ACBD6: variants seen among roughly 807,000 people sequenced by gnomAD.
The protein encoded by ACBD6 is acyl-CoA binding domain containing 6, also known as acyl-CoA-binding domain-containing protein 6.
ACBD6 carries 28 observed loss-of-function variants against 37.2 expected under a neutral mutation model. That is an observed-to-expected ratio of 0.75 (90% CI 0.56 to 1.03). The LOEUF (loss-of-function observed/expected upper bound fraction) is 1.03, where lower values mean the gene tolerates loss of function less well. ACBD6 is among the 50% of genes least tolerant of loss of function. ACBD6 has a pLI of 0.00. For synonymous variants in ACBD6, 113 were observed against 126.8 expected (o/e 0.89, Z 0.73); for missense variants, 340 against 337.4 (o/e 1.01, Z -0.06).
chr1:180,437,172 T>G lies in ACBD6; in HGVS notation c.385-6910A>C, dbSNP rs143147396. ...TCATCTGTATCCTTTGTAACATCCTTTATAATAAACTGGCAAATGTGTTTC... is the reference window on the plus strand; with the variant it reads ...TCATCTGTATCCTTTGTAACATCCTGTATAATAAACTGGCAAATGTGTTTC... On this transcript the variant is annotated intron_variant, in intron 3 of 7. Transcript: ENST00000367595. Among the ~76,000 whole-genome samples the G allele has an allele frequency of 5.7e-3, 869 of 152,288 alleles. 6 individuals carry two copies. The highest frequency in any genetic ancestry group is 0.019 in the African/African-American group (807 of 41,560).
At chr1:180,283,426 A>T (rs1649375945), downstream of ACBD6, among the ~76,000 whole-genome samples, 1 of 152,084 alleles carries the variant, frequency 6.6e-6, no homozygotes, top group African/African-American at 2.4e-5. Context: ...CCACCATGAG[A>T]CAAGTGCATG....
At chr1:180,446,318 T>C (rs1258150897) in intron 3 of ACBD6, among the ~76,000 whole-genome samples, 1 of 152,076 alleles carries the variant, frequency 6.6e-6, no homozygotes, top group Non-Finnish European at 1.5e-5. Context: ...CAGCCTTAAG[T>C]GTACTTTTAA....
chr1:180,359,805 A>G (rs1289520447), intron 6 of ACBD6, among the ~76,000 whole-genome samples: 1 of 151,914 alleles, frequency 6.6e-6, no homozygotes, highest in South Asian at 2.1e-4. Flanking sequence ...TTTGTCTCCT[A>G]TTTATTTCCA....
At chr1:180,435,773 G>A in intron 3 of ACBD6, 1 of 868,176 alleles carries the variant, frequency 1.2e-6, no homozygotes, top group Non-Finnish European at 2.0e-6. Context: ...GTATCAGATT[G>A]ACTCTGACAG....
chr1:180,444,099 A>G (rs180973608), intron 3 of ACBD6, among the ~76,000 whole-genome samples: 54 of 152,152 alleles, frequency 3.5e-4, no homozygotes, highest in African/African-American at 1.3e-3. Context: ...TTAATTTTAA[A>G]CCCAGCATAA....
chr1:180,315,500 G>A lies in ACBD6; in HGVS notation c.664-778C>T, dbSNP rs190984128. ...TAAGCACTTTGTAATATGCATGGCC[G>A]TCATGCCCCTGGTAATTGAGAATAA... On this transcript the variant is annotated intron_variant, in intron 6 of 7. Transcript: ENST00000367595. Among the ~76,000 whole-genome samples, 704 of 152,280 alleles carry A rather than the reference G, an allele frequency of 4.6e-3. 1 individual carries two copies. Among genetic ancestry groups the A allele is most frequent in the African/African-American group, 1.0e-2 (415 of 41,558 alleles).
At chr1:180,454,296 T>C (rs539392908) in intron 3 of ACBD6, among the ~76,000 whole-genome samples, 2 of 152,268 alleles carry the variant, frequency 1.3e-5, no homozygotes, top group South Asian at 2.1e-4. Context: ...ATTTAATAAA[T>C]GGTATTGGGA....
At chr1:180,449,044 G>A (rs1353291868) in intron 3 of ACBD6, among the ~76,000 whole-genome samples, 1 of 152,038 alleles carries the variant, frequency 6.6e-6, no homozygotes, top group Non-Finnish European at 1.5e-5. Context: ...CACATGAATA[G>A]GAATACACAA....
At chr1:180,298,652 C>T (rs1163673553) in intron 7 of ACBD6, among the ~76,000 whole-genome samples, 2 of 152,186 alleles carry the variant, frequency 1.3e-5, no homozygotes, top group African/African-American at 4.8e-5. Flanking sequence ...AATTCCCTAA[C>T]TTGACAGATG....
In ACBD6 at chr1:180,502,424, C is replaced by G; in HGVS notation, c.-158G>C. 1.3e-6 allele frequency: 1 copy of G among 775,256 alleles called. No homozygotes were observed. The highest frequency in any genetic ancestry group is 2.2e-6 in the Non-Finnish European group (1 of 453,796). The allele number at this position is 775,256 out of a possible 1,614,324, so 48.0% of individuals were successfully genotyped here. On this transcript the variant is annotated 5_prime_UTR_variant, in exon 1 of 8. Coordinates refer to ENST00000367595, the MANE Select transcript of ACBD6 (RefSeq NM_032360.4). ...CGCGCTCCCTCACGTGACCCTGCTC[C>G]CTGCCCACTTCTACTCCCTGGGCGT... is the stretch of plus-strand genomic sequence containing the variant.
chr1:180,281,966 G>A (rs569599006), intron 8 of ACBD6, among the ~76,000 whole-genome samples: 4 of 152,300 alleles, frequency 2.6e-5, no homozygotes, highest in South Asian at 2.1e-4. Flanking sequence ...TGTAACATCT[G>A]TCTCTTTTGA....
At chr1:180,320,184 G>C (rs1390525043) in intron 6 of ACBD6, among the ~76,000 whole-genome samples, 3 of 152,196 alleles carry the variant, frequency 2.0e-5, no homozygotes, top group East Asian at 3.9e-4. Flanking sequence ...CTGTCTTTTG[G>C]ATATAAGCCA....
intron 5 of ACBD6, among the ~76,000 whole-genome samples, chr1:180,405,179 G>A (rs1368041476): frequency 2.0e-5 from 3 of 151,868 alleles, no homozygotes; most frequent in South Asian, 2.1e-4. Context: ...TCAGTATACC[G>A]ACCCTGCCTC....
At chr1:180,322,573 C>T (rs1651113460) in intron 6 of ACBD6, among the ~76,000 whole-genome samples, 1 of 151,970 alleles carries the variant, frequency 6.6e-6, no homozygotes, top group South Asian at 2.1e-4. Context: ...CTTCATGGTT[C>T]AATCTTGGTA....
At chr1:180,365,131 T>G (rs1055731641) in intron 6 of ACBD6, among the ~76,000 whole-genome samples, 7 of 152,134 alleles carry the variant, frequency 4.6e-5, no homozygotes, top group South Asian at 2.1e-4. Context: ...CCAAACACAG[T>G]CTTTCCAAAC....
At chr1:180,430,137 A>T in intron 4 of ACBD6, 43 bp downstream of exon 4, 1 of 1,512,982 alleles carries the variant, frequency 6.6e-7, no homozygotes, top group Non-Finnish European at 9.2e-7. Context: ...GCACACACAC[A>T]GGCATATATA....
At chr1:180,484,729 T>A (rs1198192925) in intron 3 of ACBD6, among the ~76,000 whole-genome samples, 1 of 152,204 alleles carries the variant, frequency 6.6e-6, no homozygotes, top group Non-Finnish European at 1.5e-5. Context: ...TACGCACGTA[T>A]GTATACGTAT....
intron 3 of ACBD6, among the ~76,000 whole-genome samples, chr1:180,436,727 T>C (rs1649052308): frequency 6.6e-6 from 1 of 152,178 alleles, no homozygotes; most frequent in Non-Finnish European, 1.5e-5. Flanking sequence ...CCATTTTGTG[T>C]GGAATTAGAT....
In ACBD6 at chr1:180,442,276, C is replaced by T. The variant is rs564452713; in HGVS notation, c.385-12014G>A. ...TGGATCTATGGGTTTATGGCAGTGA[C>T]TCTCAACTAGGGGCACTTTTTTTTT... is the stretch of plus-strand genomic sequence containing the variant. On this transcript the variant is annotated intron_variant, in intron 3 of 7. Coordinates refer to ENST00000367595, the MANE Select transcript of ACBD6 (RefSeq NM_032360.4). Among the ~76,000 whole-genome samples, 3 of 149,368 alleles carry T rather than the reference C, an allele frequency of 2.0e-5. No individual in the cohort carries two copies. In the South Asian group the frequency reaches 6.3e-4, roughly 31 times the overall value.
Sources: allele counts gnomAD v4.1 joint callset (sites outside exome capture counted in the v4.1 genomes callset), GRCh38; gene constraint gnomAD v4.1.1; transcripts MANE v1.5; gene names NCBI Gene and HGNC (gene_info 2026-07-23, HGNC 2026-07-21).